COL6A3: variants seen among roughly 807,000 people sequenced by gnomAD.
COL6A3 encodes the protein collagen type VI alpha 3 chain.
COL6A3 carries 137 observed loss-of-function variants against 274.1 expected under a neutral mutation model. The observed-to-expected ratio is 0.50, with a 90% confidence interval of 0.44 to 0.58. The LOEUF (loss-of-function observed/expected upper bound fraction) is 0.58. COL6A3 is among the 20% of genes least tolerant of loss of function. The probability of loss-of-function intolerance (pLI) is 0.00; values close to 1 mark genes in which losing one functional copy is unlikely to be tolerated. For missense variants in COL6A3, 3,950 were observed against 4,124.9 expected, an observed-to-expected ratio of 0.96 and a Z score of 1.16; for synonymous variants, 1,650 against 1,650.6, an observed-to-expected ratio of 1.00 and a Z score of 0.01.
intron 14 of COL6A3, 83 bp downstream of exon 14, chr2:237,363,170 T>G: frequency 7.7e-7 from 1 of 1,293,552 alleles, no homozygotes. Flanking sequence ...ATTCACCTGC[T>G]GATAATTAAC....
At position 237,387,996 on chromosome 2, in the gene COL6A3, A is replaced by C. The variant is rs1559270845; in HGVS notation, c.898T>G (p.Ser300Ala). The C allele has an allele frequency of 6.2e-7, 1 of 1,614,020 alleles. No homozygotes were observed. Among genetic ancestry groups the C allele is most frequent in the East Asian group, 2.2e-5 (1 of 44,884 alleles). Residue 300 changes from serine (S) to alanine (A), a missense_variant, in exon 4 of 44, where the codon TCC (serine) becomes GCC (alanine). Physicochemically the swap from Ser to Ala is moderately conservative, Grantham distance 99 (BLOSUM62 1). Around this residue, in one of 5 missense-constraint regions of COL6A3, gnomAD observed 1,934 missense variants for 1,984.3 expected, o/e 0.97. Coordinates refer to ENST00000295550, the MANE Select transcript of COL6A3 (RefSeq NM_004369.4). ...PRTMFSLDTY[S>A]TKAQVLGAVK... ...GCACCCAGAACCTGGGCCTTGGTGG[A>C]GTAGGTGTCCAAGGAGAACATGGTT... is the stretch of plus-strand genomic sequence containing the variant.
At chr2:237,366,065 C>T in intron 11 of COL6A3, 30 bp from the exon 12 acceptor site, 1 of 1,600,758 alleles carries the variant, frequency 6.2e-7, no homozygotes, top group Admixed American at 1.7e-5. Flanking sequence ...GTGATGAGTT[C>T]TCAGCTGGGG....
chr2:237,357,439 G>T, intron 22 of COL6A3, 48 bp from the exon 23 acceptor site: 1 of 1,501,152 alleles, frequency 6.7e-7, no homozygotes, highest in Non-Finnish European at 9.3e-7. Context: ...AGAGAAGAAT[G>T]TCTAGCTCTG....
chr2:237,411,381 G>A lies in COL6A3; in HGVS notation c.-31+2572C>T, dbSNP rs551618851. On this transcript the variant is annotated intron_variant, in intron 1 of 43. Transcript: ENST00000295550. ...ATATAAGTGGGAGGTGATATCAACCGCTGGTGAAGACTACGCTTGATCCAG... is the reference window on the plus strand; with the variant it reads ...ATATAAGTGGGAGGTGATATCAACCACTGGTGAAGACTACGCTTGATCCAG... Among the ~76,000 whole-genome samples, 4 of 152,198 alleles carry A rather than the reference G, an allele frequency of 2.6e-5. No individual in the cohort carries two copies. The South Asian group carries it at 6.2e-4, about 24-fold the overall frequency.
Position 237,359,405 on chromosome 2 carries a change from TA to T in COL6A3, c.6283-18del, listed in dbSNP as rs745708666. The T allele has an allele frequency of 1.2e-6, 2 of 1,613,672 alleles. No homozygotes were observed. The highest frequency in any genetic ancestry group is 3.3e-5 in the Admixed American group (2 of 60,022). On this transcript the variant is annotated intron_variant, in intron 17 of 43. Transcript: ENST00000295550. ...CCGAGAGCCCTAGAAGGCAAGGCGA[TA>T]GGGGAAGCATTAGCTTTTCCTGCAG...
At chr2:237,385,537 G>T (rs773685616) in intron 4 of COL6A3, among the ~76,000 whole-genome samples, 1 of 152,150 alleles carries the variant, frequency 6.6e-6, no homozygotes, top group Non-Finnish European at 1.5e-5. Flanking sequence ...GGATCACATG[G>T]CAGGTCCACA....
chr2:237,335,714 C>T (rs956977126), intron 40 of COL6A3, among the ~76,000 whole-genome samples: 8 of 152,212 alleles, frequency 5.3e-5, no homozygotes, highest in Non-Finnish European at 8.8e-5. Flanking sequence ...CTAAGGTAGG[C>T]GAGTCCGGCT....
intron 2 of COL6A3, among the ~76,000 whole-genome samples, chr2:237,395,622 G>A (rs776992619): frequency 4.6e-5 from 7 of 152,046 alleles, no homozygotes; most frequent in East Asian, 1.9e-4. Flanking sequence ...ATACAAAACC[G>A]GGCCTTGACA....
chr2:237,327,805 G>A (rs535428951), intron 42 of COL6A3: 1 of 151,678 alleles, frequency 6.6e-6, no homozygotes, highest in East Asian at 1.9e-4. Flanking sequence ...ACTCAGCTAT[G>A]AGTGCATATG....
At chr2:237,345,729 A>G (rs886278630) in intron 32 of COL6A3, among the ~76,000 whole-genome samples, 45 of 152,218 alleles carry the variant, frequency 3.0e-4, no homozygotes, top group African/African-American at 8.2e-4. Flanking sequence ...CTCATGGGCC[A>G]TTAGTTGTCT....
chr2:237,369,237 T>G, intron 9 of COL6A3, 60 bp from the exon 10 acceptor site: 1 of 1,593,208 alleles, frequency 6.3e-7, no homozygotes, highest in Middle Eastern at 1.7e-4. Flanking sequence ...CACCCAGGTT[T>G]GGTGTGCACC....
chr2:237,369,053 G>A lies in COL6A3; in HGVS notation c.4410C>T (p.Pro1470=), dbSNP rs1157313420. ...GCACGACCCCAACTCTCACTTTACT[G>A]GGGCCGATGTTGAGTCTTCGAACAA... is the stretch of plus-strand genomic sequence containing the variant. ...SRIVRRLNIG[P]SKVRVGVVQF... The change falls in exon 10 of 44, where the codon CCC becomes CCT. Residue 1470 remains proline, a synonymous_variant. Coordinates refer to ENST00000295550, the MANE Select transcript of COL6A3 (RefSeq NM_004369.4). The A allele has an allele frequency of 6.2e-7, 1 of 1,614,214 alleles. No homozygotes were observed.
In COL6A3 at chr2:237,367,090, C is replaced by T; in HGVS notation, c.5097G>A (p.Lys1699=). 2 of 1,614,208 alleles carry T rather than the reference C, an allele frequency of 1.2e-6. No homozygotes were observed. Among genetic ancestry groups the T allele is most frequent in the Non-Finnish European group, 1.7e-6 (2 of 1,180,032 alleles). ...DEFFLKDFST[K]RQIIDAINKV... is the part of the protein sequence containing the mutation. ...TGTTGATGGCGTCAATAATCTGCCTCTTGGTAGAGAAGTCCTTCAGGAAGA... is the reference window on the plus strand; with the variant it reads ...TGTTGATGGCGTCAATAATCTGCCTTTTGGTAGAGAAGTCCTTCAGGAAGA... The change falls in exon 11 of 44, where the codon AAG becomes AAA. Residue 1699 remains lysine, a synonymous_variant. Transcript: ENST00000295550.
intron 5 of COL6A3, 126 bp downstream of exon 5, chr2:237,380,789 T>C: frequency 1.1e-6 from 1 of 876,436 alleles, no homozygotes; most frequent in South Asian, 1.4e-5. Flanking sequence ...TAAATCATGT[T>C]CGTTGCTGCT....
At chr2:237,367,750 C>T (rs2077587915) in intron 10 of COL6A3, among the ~76,000 whole-genome samples, 2 of 152,186 alleles carry the variant, frequency 1.3e-5, no homozygotes, top group Admixed American at 1.3e-4. Flanking sequence ...CTAGGAGAAA[C>T]AGATTGGAAA....
intron 23 of COL6A3, chr2:237,357,022 T>G: frequency 1.3e-5 from 6 of 450,770 alleles, no homozygotes; most frequent in East Asian, 8.2e-5. Flanking sequence ...TCCCCCAGTA[T>G]TAGGATTTCC....
chr2:237,345,745 G>A (rs1016613633), intron 32 of COL6A3, among the ~76,000 whole-genome samples: 2 of 152,056 alleles, frequency 1.3e-5, no homozygotes, highest in Admixed American at 6.6e-5. Flanking sequence ...TGTCTTTCCA[G>A]GAGGCTATTT....
chr2:237,400,516 A>G (rs2078563744), intron 1 of COL6A3, among the ~76,000 whole-genome samples: 1 of 152,118 alleles, frequency 6.6e-6, no homozygotes, highest in Non-Finnish European at 1.5e-5. Context: ...AAAAATAGAT[A>G]TTTGCTTGAA....
Position 237,363,247 on chromosome 2 carries a change from A to AT in COL6A3, c.6063+5_6063+6insA. ...GTCTGTGTATAAAGACATAAAAAAA[A>AT]CTCACAAGCTGCTCCGCTAGTTCAT... On this transcript the variant is annotated splice_donor_region_variant and intron_variant, in intron 14 of 43. Transcript: ENST00000295550. The AT allele has an allele frequency of 1.2e-6, 2 of 1,613,702 alleles. No homozygotes were observed. The highest frequency in any genetic ancestry group is 4.5e-5 in the East Asian group (2 of 44,874).
Sources: gnomAD v4.1 joint callset for allele counts (sites outside exome capture counted in the v4.1 genomes callset) on GRCh38, gnomAD v4.1.1 for gene constraint, gnomAD v4.1.1 regional missense constraint, MANE v1.5 for transcripts, NCBI Gene and HGNC (gene_info 2026-07-23, HGNC 2026-07-21) for gene names.